Variants in RIC1 observed in about 807,000 individuals in gnomAD.
RIC1 encodes RIC1 partner of RAB6A GEF complex.
In RIC1, 88 loss-of-function variants were observed where a neutral mutation model predicts 169.0. The observed-to-expected ratio is 0.52, with a 90% confidence interval of 0.44 to 0.62. RIC1 has a LOEUF of 0.62. Among genes scored for constraint, RIC1 ranks in the 20% least tolerant of loss-of-function variants. RIC1 has a pLI of 0.00. For synonymous variants in RIC1, 790 were observed against 601.5 expected (o/e 1.31, Z -4.59); for missense variants, 1,877 against 1,725.5 (o/e 1.09, Z -1.56).
chr9:5,721,768 C>G (rs963667043), intron 6 of RIC1, among the ~76,000 whole-genome samples: 1 of 152,092 alleles, frequency 6.6e-6, no homozygotes, highest in Non-Finnish European at 1.5e-5. Context: ...TTGCCTTGTT[C>G]TTTACATTTG....
chr9:5,723,237 AT>A (rs1823723827), intron 6 of RIC1, among the ~76,000 whole-genome samples: 1 of 152,176 alleles, frequency 6.6e-6, no homozygotes, highest in South Asian at 2.1e-4. Flanking sequence ...TAAGTTTTTA[AT>A]GATCACCATT....
intron 11 of RIC1, among the ~76,000 whole-genome samples, chr9:5,747,092 CAT>C (rs1208859788): frequency 2.0e-5 from 3 of 152,206 alleles, no homozygotes; most frequent in Middle Eastern, 3.2e-3. Context: ...GCTGAAATCT[CAT>C]AGTCACTAAG....
intron 1 of RIC1, among the ~76,000 whole-genome samples, chr9:5,650,054 C>T (rs967797922): frequency 1.4e-4 from 22 of 152,096 alleles, no homozygotes; most frequent in African/African-American, 4.8e-4. Flanking sequence ...TAGGCCAGTC[C>T]TTGGGCACCA....
intron 8 of RIC1, among the ~76,000 whole-genome samples, chr9:5,742,457 T>TA (rs1370446630): frequency 6.6e-6 from 1 of 152,190 alleles, no homozygotes; most frequent in Admixed American, 6.6e-5. Flanking sequence ...ATTTGCTCCT[T>TA]ACGTTTTTTT....
In RIC1 at chr9:5,775,970, TCTC is replaced by T. The variant is rs1827561078; in HGVS notation, c.*1727_*1729del. The T allele has an allele frequency of 6.6e-6, 1 of 152,160 alleles. No homozygotes were observed. The highest frequency in any genetic ancestry group is 2.4e-5 in the African/African-American group (1 of 41,460). 9.4% of individuals were successfully genotyped at this position (152,160 alleles called of 1,614,324 possible). The stretch of plus-strand genomic sequence containing the variant: ...AGCAAGAAACTAAACTGAACTCTCT[TCTC>T]CTATCCTAGTCCATTAAGGAGAAGA... On this transcript the variant is annotated 3_prime_UTR_variant, in exon 26 of 26. Transcript: ENST00000414202.
At chr9:5,683,989 T>A (rs1320608120) in intron 2 of RIC1, among the ~76,000 whole-genome samples, 1 of 152,198 alleles carries the variant, frequency 6.6e-6, no homozygotes, top group Non-Finnish European at 1.5e-5. Context: ...TTAACCCTGT[T>A]GGAAGAGCAC....
At chr9:5,728,435 A>G (rs1824140752) in intron 6 of RIC1, among the ~76,000 whole-genome samples, 1 of 152,182 alleles carries the variant, frequency 6.6e-6, no homozygotes, top group African/African-American at 2.4e-5. Flanking sequence ...TCCATGTACC[A>G]TCTGTCATGG....
rs556841347 is a variant in RIC1 at position 5,682,666 on chromosome 9, T to G, written c.253-7293T>G. Among the ~76,000 whole-genome samples the G allele has an allele frequency of 6.6e-5, 10 of 152,282 alleles. No homozygotes were observed. The East Asian group carries it at 1.5e-3, about 24-fold the overall frequency. On this transcript the variant is annotated intron_variant, in intron 2 of 25. Transcript: ENST00000414202. ...AGTTGCTCTTCTCAAGGAGTATCTTTGTGGCGTTCTCTGTATTTCCTGAAT... is the reference window on the plus strand; with the variant it reads ...AGTTGCTCTTCTCAAGGAGTATCTTGGTGGCGTTCTCTGTATTTCCTGAAT...
intron 2 of RIC1, among the ~76,000 whole-genome samples, chr9:5,675,704 A>G (rs189876300): frequency 2.7e-4 from 36 of 131,464 alleles, no homozygotes; most frequent in East Asian, 1.7e-3. Context: ...TTTAGGGGGG[A>G]AAAATGTACA....
At chr9:5,732,503 A>G in intron 7 of RIC1, 24 bp downstream of exon 7, 1 of 1,517,406 alleles carries the variant, frequency 6.6e-7, no homozygotes, top group Non-Finnish European at 8.9e-7. Context: ...AGGCTTTTGC[A>G]TTTTTAAGAG....
chr9:5,691,541 CAT>C (rs1359923790), intron 3 of RIC1, among the ~76,000 whole-genome samples: 1 of 151,754 alleles, frequency 6.6e-6, no homozygotes, highest in Non-Finnish European at 1.5e-5. Context: ...ATTTTTGACA[CAT>C]AAATATAGTG....
At chr9:5,756,064 T>C in intron 15 of RIC1, 148 bp from the exon 16 acceptor site, 2 of 437,448 alleles carry the variant, frequency 4.6e-6, no homozygotes, top group Non-Finnish European at 7.8e-6. Flanking sequence ...CATAATCCAT[T>C]TACTGTTAAA....
chr9:5,631,056 C>T (rs568548733), intron 1 of RIC1, among the ~76,000 whole-genome samples: 88 of 152,200 alleles, frequency 5.8e-4, no homozygotes, highest in Non-Finnish European at 9.9e-4. Flanking sequence ...AACAATATGA[C>T]CTATGAATTG....
rs140526563 is a variant in RIC1 at position 5,734,997 on chromosome 9, T to A, written c.812+2518T>A. 8.7e-3 allele frequency among the ~76,000 whole-genome samples: 1,321 copies of A among 152,328 alleles called. 9 individuals carry two copies. Among genetic ancestry groups the A allele is most frequent in the Non-Finnish European group, 0.013 (913 of 68,022 alleles). Reference sequence around the variant, plus strand: ...CCAATTTATATGCAAATTAACCCAGTTGCCACCAGCTAAATTTCTTCTATA... The same window carrying A: ...CCAATTTATATGCAAATTAACCCAGATGCCACCAGCTAAATTTCTTCTATA... On this transcript the variant is annotated intron_variant, in intron 7 of 25. Coordinates refer to ENST00000414202, the MANE Select transcript of RIC1 (RefSeq NM_020829.4).
intron 1 of RIC1, among the ~76,000 whole-genome samples, chr9:5,647,950 G>GTGGTGT (rs1391903350): frequency 5.4e-5 from 7 of 129,862 alleles, no homozygotes; most frequent in Non-Finnish European, 1.1e-4. Flanking sequence ...GGTGGTGGTG[G>GTGGTGT]TGGTGGTGGT....
intron 12 of RIC1, among the ~76,000 whole-genome samples, chr9:5,751,567 C>G (rs1385629048): frequency 6.6e-6 from 1 of 151,712 alleles, no homozygotes; most frequent in East Asian, 1.9e-4. Flanking sequence ...GCTGGCCGGG[C>G]TGGTCTCAAA....
intron 6 of RIC1, among the ~76,000 whole-genome samples, chr9:5,728,572 C>T (rs552798193): frequency 6.6e-6 from 1 of 152,206 alleles, no homozygotes; most frequent in Non-Finnish European, 1.5e-5. Context: ...GTGAGATGAA[C>T]CTGGTACTTC....
intron 8 of RIC1, 62 bp from the exon 9 acceptor site, chr9:5,742,807 A>AAAC (rs200790844): frequency 1.2e-4 from 180 of 1,444,842 alleles, no homozygotes; most frequent in Non-Finnish European, 1.5e-4. Flanking sequence ...TGAAAAAAAA[A>AAAC]AAAAAACAAG....
chr9:5,684,996 A>G (rs1821123768), intron 2 of RIC1, among the ~76,000 whole-genome samples: 1 of 151,288 alleles, frequency 6.6e-6, no homozygotes, highest in South Asian at 2.1e-4. Context: ...CCAACCCTGC[A>G]TTCTTGGATA....
Sources: gnomAD v4.1 joint callset for allele counts (sites outside exome capture counted in the v4.1 genomes callset) on GRCh38, gnomAD v4.1.1 for gene constraint, MANE v1.5 for transcripts, NCBI Gene and HGNC (gene_info 2026-07-23, HGNC 2026-07-21) for gene names.